Variants in PIGT observed in about 807,000 individuals in gnomAD.
PIGT encodes phosphatidylinositol glycan anchor biosynthesis class T.
A neutral mutation model predicts 66.7 loss-of-function variants in PIGT; 57 were observed. The observed-to-expected ratio is 0.86, with a 90% CI of 0.69 to 1.07. The LOEUF (loss-of-function observed/expected upper bound fraction) is 1.07, where lower values mean the gene tolerates loss of function less well. Among genes scored for constraint, PIGT ranks in the 50% least tolerant of loss-of-function variants. The pLI is 0.00. For missense variants in PIGT, 725 were observed against 740.4 expected (o/e 0.98, Z 0.24); for synonymous variants, 362 against 320.5 (o/e 1.13, Z -1.38).
rs564317755 is a variant in PIGT at position 45,426,127 on chromosome 20, C to T, written c.*301C>T. On this transcript the variant is annotated 3_prime_UTR_variant, in exon 12 of 12. Transcript: ENST00000279036. ...CAGCACAGAAAAAGATTTCCATCAC[C>T]ACAGAAAGGTCGGCTGGCAGCACTG... 55 of 454,142 alleles carry T rather than the reference C, an allele frequency of 1.2e-4. No individual in the cohort carries two copies. The highest frequency in any genetic ancestry group is 1.0e-3 in the African/African-American group (51 of 51,118). The allele number at this position is 454,142 out of a possible 1,614,324, so 28.1% of individuals were successfully genotyped here. A position where few individuals can be genotyped will look rare whatever the true frequency, so the allele number is the denominator to read the frequency against.
intron 2 of PIGT, 93 bp downstream of exon 2, chr20:45,416,787 TC>T: frequency 8.5e-7 from 1 of 1,176,134 alleles, no homozygotes; most frequent in Non-Finnish European, 1.2e-6. Context: ...GGACAGCACT[TC>T]CAGTAGGCAG....
intron 9 of PIGT, 120 bp from the exon 10 acceptor site, chr20:45,424,096 T>A: frequency 1.2e-6 from 1 of 834,238 alleles, no homozygotes; most frequent in East Asian, 2.6e-5. Context: ...GCCTGGCTTC[T>A]ATGCTCCCAA....
chr20:45,421,501 G>C lies in PIGT; in HGVS notation c.1152G>C (p.Leu384=), dbSNP rs772656588. The change falls in exon 9 of 12, where the codon CTG becomes CTC. Residue 384 remains leucine (L), a synonymous_variant. Transcript: ENST00000279036. Reference sequence around the variant, plus strand: ...ACCCATACCGGGCCTTCCCGGTGCTGCTGCTGGACACCGTACCCTGGTATC... The same window carrying C: ...ACCCATACCGGGCCTTCCCGGTGCTCCTGCTGGACACCGTACCCTGGTATC... ...NTHPYRAFPV[L]LLDTVPWYLR... 1 of 1,614,194 alleles carries C rather than the reference G, an allele frequency of 6.2e-7. No homozygotes were observed.
intron 11 of PIGT, chr20:45,425,118 CCTTT>C (rs1990625157): frequency 1.3e-5 from 2 of 154,234 alleles, no homozygotes; most frequent in South Asian, 4.0e-4. Flanking sequence ...CTCTTTCTTT[CCTTT>C]CTCTCTCTTT....
chr20:45,423,593 A>C (rs1479728807), intron 9 of PIGT: 1 of 152,236 alleles, frequency 6.6e-6, no homozygotes, highest in Non-Finnish European at 1.5e-5. Flanking sequence ...CACAAAGCAC[A>C]GAGTTCCCAT....
At chr20:45,416,447 A>G (rs2145432498) in intron 1 of PIGT, 70 bp from the exon 2 acceptor site, 1 of 1,575,356 alleles carries the variant, frequency 6.3e-7, no homozygotes, top group Non-Finnish European at 8.6e-7. Flanking sequence ...ATTCCTGGGT[A>G]GAGTTCGGGA....
chr20:45,416,918 T>C, intron 2 of PIGT: 2 of 417,988 alleles, frequency 4.8e-6, no homozygotes, highest in South Asian at 6.0e-5. Flanking sequence ...GAGAGGCAAA[T>C]AGCAAACAAT....
At chr20:45,421,001 T>C in intron 8 of PIGT, 6 of 522,804 alleles carry the variant, frequency 1.1e-5, no homozygotes, top group Non-Finnish European at 2.1e-5. Flanking sequence ...GTGCCAGGCA[T>C]AGAGTGTTGA....
intron 6 of PIGT, 48 bp from the exon 7 acceptor site, chr20:45,420,284 A>G: frequency 6.3e-7 from 1 of 1,593,490 alleles, no homozygotes. Context: ...ATCTATGTGG[A>G]CTAGGCCTAG....
chr20:45,421,861 C>A (rs1237310633), intron 9 of PIGT: 4 of 387,190 alleles, frequency 1.0e-5, no homozygotes, highest in Non-Finnish European at 1.9e-5. Context: ...ACTTTTGCCT[C>A]CTTTCTGGAG....
chr20:45,422,461 T>C (rs1335261678), intron 9 of PIGT: 2 of 151,950 alleles, frequency 1.3e-5, no homozygotes, highest in Non-Finnish European at 1.5e-5. Context: ...TTTTTTTTTT[T>C]TAAGAGACAG....
chr20:45,423,492 G>A (rs1990511284), intron 9 of PIGT: 1 of 150,558 alleles, frequency 6.6e-6, no homozygotes, highest in Non-Finnish European at 1.5e-5. Flanking sequence ...GCGACAGTGT[G>A]AGACCCTGTC....
chr20:45,419,190 C>A, intron 3 of PIGT, 105 bp from the exon 4 acceptor site: 2 of 1,115,478 alleles, frequency 1.8e-6, no homozygotes, highest in South Asian at 1.4e-5. Flanking sequence ...GACTGTGGTG[C>A]TAGAGGTGGT....
At chr20:45,420,998 G>T (rs1990325679) in intron 8 of PIGT, 1 of 526,352 alleles carries the variant, frequency 1.9e-6, no homozygotes, top group Non-Finnish European at 3.4e-6. Flanking sequence ...TAAGTGCCAG[G>T]CATAGAGTGT....
At chr20:45,420,483 C>T (rs760653026) in intron 7 of PIGT, 45 bp from the exon 8 acceptor site, 1 of 1,612,200 alleles carries the variant, frequency 6.2e-7, no homozygotes, top group Non-Finnish European at 8.5e-7. Flanking sequence ...CCAGGACCAG[C>T]CTACCCTCTC....
intron 11 of PIGT, chr20:45,424,846 T>C (rs1990609402): frequency 2.0e-6 from 1 of 498,002 alleles, no homozygotes; most frequent in African/African-American, 1.9e-5. Context: ...ATCAAGCACT[T>C]ATCAAATGCC....
intron 5 of PIGT, chr20:45,419,896 G>C (rs565840908): frequency 1.7e-6 from 1 of 599,532 alleles, no homozygotes; most frequent in African/African-American, 1.9e-5. Context: ...TTCCCACCCT[G>C]CCACATGACA....
Position 45,418,931 on chromosome 20 carries a change from A to AAC in PIGT, c.449_450dup (p.Val151GlnfsTer56), listed in dbSNP as rs1422551932. On this transcript the variant is annotated frameshift_variant, in exon 3 of 12. Transcript: ENST00000279036. LOFTEE classifies it high-confidence loss of function. The stretch of plus-strand genomic sequence containing the variant: ...CTCTCTCAACTTCATCGACTCCACC[A>AAC]ACACAGTCACTCCCACTGCCTCCTT... 1 of 1,614,090 alleles carries AAC rather than the reference A, an allele frequency of 6.2e-7. No homozygotes were observed. The highest frequency in any genetic ancestry group is 1.3e-5 in the African/African-American group (1 of 75,008).
Position 45,421,675 on chromosome 20 carries a change from A to G in PIGT, c.1234+92A>G. On this transcript the variant is annotated intron_variant, in intron 9 of 11. Coordinates refer to ENST00000279036, the MANE Select transcript of PIGT (RefSeq NM_015937.6). ...CTCTCATTTCCCAGGGTAGTTCCTG[A>G]AGTACCTCTGAAAAGCTACACAGGC... 4 of 1,036,482 alleles carry G rather than the reference A, an allele frequency of 3.9e-6. No homozygotes were observed. The South Asian group carries it at 5.7e-5, about 15-fold the overall frequency. 64.2% of individuals were successfully genotyped at this position (1,036,482 alleles called of 1,614,324 possible).
Sources: gnomAD v4.1 joint callset for allele counts on GRCh38, gnomAD v4.1.1 for gene constraint, MANE v1.5 for transcripts, NCBI Gene and HGNC (gene_info 2026-07-23, HGNC 2026-07-21) for gene names.